The following ZBED6 variants were observed in gnomAD, a reference collection of about 807,000 sequenced individuals.
The protein encoded by ZBED6 is zinc finger BED-type containing 6, also known as zinc finger BED domain-containing protein 6.
A neutral mutation model predicts 58.4 loss-of-function variants in ZBED6; 40 were observed. The ratio of observed to expected loss-of-function variants is 0.68; its 90% CI spans 0.53 to 0.89. The LOEUF is 0.89. Ranked by LOEUF, ZBED6 falls within the 40% of genes least tolerant of loss-of-function variation. The pLI is 0.00. For missense variants in ZBED6, 1,057 were observed against 1,003.9 expected (o/e 1.05, Z -0.71); for synonymous variants, 439 against 350.6 (o/e 1.25, Z -2.82).
intron 3 of ZBED6, among the ~76,000 whole-genome samples, chr1:203,820,253 G>C (rs932469623): frequency 6.7e-6 from 1 of 149,710 alleles, no homozygotes; most frequent in African/African-American, 2.5e-5. Context: ...AAAAAAAAAA[G>C]CCCAAATTCA....
At chr1:203,844,460 C>T (rs1056957997) in intron 11 of ZBED6, among the ~76,000 whole-genome samples, 3 of 152,188 alleles carry the variant, frequency 2.0e-5, no homozygotes, top group African/African-American at 7.2e-5. Context: ...TGAGTCACTG[C>T]GCCTGGCCTG....
chr1:203,829,233 T>C, intron 4 of ZBED6: 1 of 584,330 alleles, frequency 1.7e-6, no homozygotes, highest in East Asian at 2.9e-5. Flanking sequence ...CTGTTTTGAG[T>C]GCCCACTTTG....
At chr1:203,853,011 C>T (rs1201713964) in exon 17 of ZBED6, 1 of 152,798 alleles carries the variant, frequency 6.5e-6, no homozygotes, top group Non-Finnish European at 1.5e-5. Context: ...CTCTGTTAGC[C>T]TCTGAAGAGC....
At chr1:203,838,706 T>G (rs2103187238) in intron 10 of ZBED6, among the ~76,000 whole-genome samples, 1 of 152,218 alleles carries the variant, frequency 6.6e-6, no homozygotes, top group East Asian at 1.9e-4. Flanking sequence ...ATCCCAGTAC[T>G]TTGGGAGGCC....
At chr1:203,820,070 A>G (rs1463535410) in intron 3 of ZBED6, among the ~76,000 whole-genome samples, 4 of 151,624 alleles carry the variant, frequency 2.6e-5, no homozygotes, top group African/African-American at 9.7e-5. Context: ...GCCCATCTCT[A>G]CTAAAAATAT....
exon 1 of ZBED6, chr1:203,802,536 G>C (rs1438198367): frequency 6.6e-6 from 1 of 152,224 alleles, no homozygotes; most frequent in African/African-American, 2.4e-5. Context: ...AGATAATAAA[G>C]ATGGGGGAAG....
At chr1:203,816,053 C>A (rs11799648) in intron 1 of ZBED6, among the ~76,000 whole-genome samples, 81 of 152,208 alleles carry the variant, frequency 5.3e-4, no homozygotes, top group Middle Eastern at 3.4e-3. Flanking sequence ...TAAGCTAGAT[C>A]GATAGACCTT....
rs41264265 is a variant in ZBED6, at chr1:203,852,186, G to A, written c.*4919G>A. On this transcript the variant is annotated 3_prime_UTR_variant, in exon 17 of 17. Coordinates refer to ENST00000550078, the Ensembl canonical transcript of ZBED6. ...AGTCCTCTTCAGATTCCTCACCCCC[G>A]GAGGTGTCTGGCCCTTCCTCATCCC... is the stretch of plus-strand genomic sequence containing the variant. 0.2 allele frequency: 317,608 copies of A among 1,612,830 alleles called. 32,109 individuals are homozygous for A. Among genetic ancestry groups the A allele is most frequent in the Middle Eastern group, 0.27 (1,664 of 6,056 alleles).
At chr1:203,834,042 T>C in intron 9 of ZBED6, 189 bp downstream of exon 9, 1 of 1,260,228 alleles carries the variant, frequency 7.9e-7, no homozygotes, top group Non-Finnish European at 1.0e-6. Flanking sequence ...TTTAAAGTGT[T>C]ACAATTGAAC....
rs59254922 is a variant in ZBED6 at position 203,815,216 on chromosome 1, C to CTTTTTTTTTTTTTTTTT, written c.*2555-1694_*2555-1693insTTTTTTTTTTTTTTTTT. On this transcript the variant is annotated intron_variant, in intron 1 of 16. Coordinates refer to ENST00000550078, the Ensembl canonical transcript of ZBED6. ...TTCATTATTTTCTTCCTTTTCTTTT[C>CTTTTTTTTTTTTTTTTT]TTTTTTTTTTTTTTTTGAGACAGTG... Among the ~76,000 whole-genome samples, 107 of 97,134 alleles carry CTTTTTTTTTTTTTTTTT rather than the reference C, an allele frequency of 1.1e-3. 6 individuals carry two copies. The highest frequency in any genetic ancestry group is 2.1e-3 in the East Asian group (7 of 3,308). 63.7% of individuals were successfully genotyped at this position (97,134 alleles called of 152,430 possible).
chr1:203,847,515 G>A (rs774476429), exon 12 of ZBED6: 3 of 1,613,968 alleles, frequency 1.9e-6, no homozygotes, highest in Non-Finnish European at 2.5e-6. Context: ...AATCAGAGGA[G>A]CCTGCAGGTA....
chr1:203,848,989 A>G (rs1688638316), intron 13 of ZBED6, among the ~76,000 whole-genome samples: 1 of 152,066 alleles, frequency 6.6e-6, no homozygotes, highest in South Asian at 2.1e-4. Flanking sequence ...GGTTCAAGCG[A>G]TTCTTGTGCC....
exon 1 of ZBED6, chr1:203,797,820 G>A (rs762047262): frequency 6.5e-7 from 1 of 1,536,114 alleles, no homozygotes; most frequent in Non-Finnish European, 8.7e-7. Flanking sequence ...AGATGCCCCT[G>A]CTTTGTTAGC....
In ZBED6 at chr1:203,842,588, G is replaced by C. The variant is rs191336095; in HGVS notation, c.*3741+2214G>C. The stretch of plus-strand genomic sequence containing the variant: ...GGCTTTCACAACTTTGGTGGCATCA[G>C]AGGGAGACCGGGGAGAGGGGGAGGG... On this transcript the variant is annotated intron_variant, in intron 11 of 16. Coordinates refer to ENST00000550078, the Ensembl canonical transcript of ZBED6. Among the ~76,000 whole-genome samples, 261 of 150,372 alleles carry C rather than the reference G, an allele frequency of 1.7e-3. 6 individuals are homozygous for C. The East Asian group carries it at 0.041, about 24-fold the overall frequency.
intron 11 of ZBED6, among the ~76,000 whole-genome samples, chr1:203,845,129 T>C (rs1418012316): frequency 6.6e-6 from 1 of 152,228 alleles, no homozygotes. Flanking sequence ...TTAACTATTA[T>C]TTTTCCATTT....
At chr1:203,807,995 G>C (rs1482695901) in intron 1 of ZBED6, among the ~76,000 whole-genome samples, 3 of 152,060 alleles carry the variant, frequency 2.0e-5, no homozygotes, top group Non-Finnish European at 4.4e-5. Context: ...TCCTGTCTCG[G>C]CCTCTCAAAG....
intron 3 of ZBED6, among the ~76,000 whole-genome samples, chr1:203,820,487 T>TG (rs1553263519): frequency 6.6e-6 from 1 of 152,052 alleles, no homozygotes; most frequent in East Asian, 1.9e-4. Flanking sequence ...TGTGTGTATA[T>TG]TTTGAGTTGA....
chr1:203,835,210 T>C (rs1047216793), intron 9 of ZBED6, among the ~76,000 whole-genome samples: 10 of 152,208 alleles, frequency 6.6e-5, no homozygotes, highest in African/African-American at 2.4e-4. Flanking sequence ...ATGAATGAAA[T>C]TAATATTTGC....
chr1:203,829,594 C>G (rs1681605297), exon 5 of ZBED6: 2 of 1,614,148 alleles, frequency 1.2e-6, no homozygotes, highest in Non-Finnish European at 1.7e-6. Context: ...CGAAAATGTT[C>G]CTAGCCCCAC....
Sources: allele counts gnomAD v4.1 joint callset (sites outside exome capture counted in the v4.1 genomes callset), GRCh38; gene constraint gnomAD v4.1.1; transcripts MANE v1.5; gene names NCBI Gene and HGNC (gene_info 2026-07-23, HGNC 2026-07-21).